Variants in ITPRID1 observed in about 807,000 individuals in gnomAD.
The protein encoded by ITPRID1 is protein ITPRID1.
A neutral mutation model predicts 95.4 loss-of-function variants in ITPRID1; 96 were observed. That is an observed-to-expected ratio of 1.01 (90% CI 0.85 to 1.19). The LOEUF (loss-of-function observed/expected upper bound fraction) is 1.19, where lower values mean the gene tolerates loss of function less well. ITPRID1 is among the 50% of genes most tolerant of loss of function. The pLI is 0.00. For missense variants in ITPRID1, 1,339 were observed against 1,252.9 expected (o/e 1.07, Z -1.04); for synonymous variants, 510 against 453.6 (o/e 1.12, Z -1.58).
chr7:31,527,506 C>G lies in ITPRID1; in HGVS notation c.-98+13386C>G, dbSNP rs539600478. 1.1e-4 allele frequency among the ~76,000 whole-genome samples: 17 copies of G among 152,208 alleles called. No homozygotes were observed. In the South Asian group the frequency reaches 3.1e-3, roughly 28 times the overall value. ...TATTAAAAATGTGGAAAATGCATGA[C>G]ATAGGTTTTCAATCTCACCTTTTGT... On this transcript the variant is annotated intron_variant, in intron 1 of 14. Transcript: ENST00000615280.
chr7:31,588,506 C>A (rs1395344076), intron 10 of ITPRID1, among the ~76,000 whole-genome samples: 1 of 151,490 alleles, frequency 6.6e-6, no homozygotes, highest in African/African-American at 2.4e-5. Context: ...TGGTGGGTGC[C>A]TGTAATTCCA....
In ITPRID1 at chr7:31,643,763, G is replaced by A; in HGVS notation, c.2393G>A (p.Cys798Tyr). ...TCTAGTATCTGCCCAATGGGCACCT[G>A]CCATGCTATACCTGCCCACTGCTGC... Reference protein sequence around the residue: ...GFSSICPMGTCHAIPAHCCIC... With the variant: ...GFSSICPMGTYHAIPAHCCIC... The change falls in exon 12 of 15, where the codon TGC becomes TAC. Residue 798 changes from cysteine to tyrosine, a missense_variant. Coordinates refer to ENST00000615280, the MANE Select transcript of ITPRID1 (RefSeq NM_001257967.3). 6.2e-7 allele frequency: 1 copy of A among 1,614,010 alleles called. No individual in the cohort carries two copies. Among genetic ancestry groups the A allele is most frequent in the Non-Finnish European group, 8.5e-7 (1 of 1,179,884 alleles).
At chr7:31,626,544 C>T (rs1354755211) in intron 10 of ITPRID1, among the ~76,000 whole-genome samples, 1 of 152,150 alleles carries the variant, frequency 6.6e-6, no homozygotes, top group African/African-American at 2.4e-5. Flanking sequence ...ATGGATACAA[C>T]TGTTTAATTT....
intron 10 of ITPRID1, among the ~76,000 whole-genome samples, chr7:31,590,943 A>G (rs1318413378): frequency 6.6e-6 from 1 of 152,226 alleles, no homozygotes; most frequent in Admixed American, 6.5e-5. Flanking sequence ...AGTTTCTCAT[A>G]CAGTTCAAAG....
chr7:31,617,940 G>A (rs1787423512), intron 10 of ITPRID1, among the ~76,000 whole-genome samples: 1 of 152,152 alleles, frequency 6.6e-6, no homozygotes, highest in African/African-American at 2.4e-5. Context: ...TTGTAGTAAA[G>A]AAAATGGTAG....
intron 12 of ITPRID1, among the ~76,000 whole-genome samples, chr7:31,649,751 A>G (rs553708202): frequency 1.3e-5 from 2 of 152,286 alleles, no homozygotes; most frequent in South Asian, 4.1e-4. Context: ...CAGGATGCAA[A>G]ACAAAGGGGA....
intron 10 of ITPRID1, among the ~76,000 whole-genome samples, chr7:31,588,046 T>C (rs1000000470): frequency 6.6e-6 from 1 of 152,190 alleles, no homozygotes. Context: ...GAGAACCATC[T>C]CCAATGAGTA....
chr7:31,578,284 A>G lies in ITPRID1; in HGVS notation c.1020A>G (p.Ser340=). The G allele has an allele frequency of 8.1e-6, 13 of 1,613,902 alleles. No individual in the cohort carries two copies. The highest frequency in any genetic ancestry group is 1.1e-5 in the Non-Finnish European group (13 of 1,179,848). The part of the protein sequence containing the change: ...HGLLSKQWPC[S]SMPAKQAPPS... ...TTCTGAGCAAGCAGTGGCCTTGCTC[A>G]TCTATGCCGGCCAAGCAGGCTCCTC... The change falls in exon 9 of 15, where the codon TCA becomes TCG. Residue 340 remains serine, a synonymous_variant. Transcript: ENST00000615280.
chr7:31,580,401 T>C (rs1785355815), intron 9 of ITPRID1, among the ~76,000 whole-genome samples: 1 of 151,928 alleles, frequency 6.6e-6, no homozygotes, highest in South Asian at 2.1e-4. Flanking sequence ...CGTCAGACTC[T>C]ATTGTCCCTG....
At chr7:31,644,142 C>T (rs1790264226) in intron 12 of ITPRID1, among the ~76,000 whole-genome samples, 189 bp downstream of exon 12, 1 of 152,170 alleles carries the variant, frequency 6.6e-6, no homozygotes, top group Non-Finnish European at 1.5e-5. Context: ...TCGATACTTC[C>T]AATCAATCAC....
chr7:31,559,695 A>G (rs1467095272), intron 5 of ITPRID1, among the ~76,000 whole-genome samples: 1 of 152,094 alleles, frequency 6.6e-6, no homozygotes, highest in Non-Finnish European at 1.5e-5. Context: ...TGTCCATTAT[A>G]CTACATGACT....
intron 1 of ITPRID1, chr7:31,529,387 C>G (rs1267051643): frequency 1.6e-5 from 3 of 185,886 alleles, no homozygotes; most frequent in Non-Finnish European, 3.3e-5. Context: ...TCAGACCTGC[C>G]AACAGGTCAA....
At chr7:31,531,855 G>C (rs1783608124) in intron 1 of ITPRID1, among the ~76,000 whole-genome samples, 1 of 120,544 alleles carries the variant, frequency 8.3e-6, no homozygotes, top group East Asian at 2.2e-4. Flanking sequence ...TATCTTAGCA[G>C]CTGTGGGGTG....
chr7:31,616,785 T>G (rs1321860190), intron 10 of ITPRID1, among the ~76,000 whole-genome samples: 2 of 146,390 alleles, frequency 1.4e-5, no homozygotes, highest in African/African-American at 5.3e-5. Context: ...AAAAGGTTTC[T>G]AAATTTCATT....
Position 31,642,713 on chromosome 7 carries a change from C to A in ITPRID1, c.1343C>A (p.Ala448Asp). 1 of 1,613,948 alleles carries A rather than the reference C, an allele frequency of 6.2e-7. No individual in the cohort carries two copies. Among genetic ancestry groups the A allele is most frequent in the South Asian group, 1.1e-5 (1 of 91,066 alleles). Residue 448 changes from alanine to aspartate, a missense_variant, in exon 12 of 15, where the codon GCT becomes GAT. Physicochemically the swap from Ala to Asp is moderately radical, Grantham distance 126 (BLOSUM62 -2). Transcript: ENST00000615280. ...TCCTTGCCAAACAGCCAGAGTCCTGCTGAGAATGGAGGTAGAAAGCCAAGA... is the reference window on the plus strand; with the variant it reads ...TCCTTGCCAAACAGCCAGAGTCCTGATGAGAATGGAGGTAGAAAGCCAAGA... ...MPSLPNSQSP[A>D]ENGGRKPRDQ...
rs190862808 is a variant in ITPRID1 at position 31,546,159 on chromosome 7, G to C, written c.-97-3267G>C. ...AAGAAATTACATTCCAAAAGAACTT[G>C]AAACTGCATGCCCAATGTCATACAG... On this transcript the variant is annotated intron_variant, in intron 1 of 14. Coordinates refer to ENST00000615280, the MANE Select transcript of ITPRID1 (RefSeq NM_001257967.3). Among the ~76,000 whole-genome samples, 354 of 152,096 alleles carry C rather than the reference G, an allele frequency of 2.3e-3. 1 individual carries two copies. The highest frequency in any genetic ancestry group is 8.0e-3 in the African/African-American group (332 of 41,528).
chr7:31,594,447 G>C lies in ITPRID1; in HGVS notation c.1228+11256G>C, dbSNP rs148830988. 1.5e-3 allele frequency among the ~76,000 whole-genome samples: 228 copies of C among 152,266 alleles called. 2 individuals are homozygous for C. Among genetic ancestry groups the C allele is most frequent in the African/African-American group, 5.1e-3 (212 of 41,544 alleles). ...AGCTTAATAAAAGGAAAACTGATAC[G>C]TTTTAAATTAATTGGCATATTTTAA... On this transcript the variant is annotated intron_variant, in intron 10 of 14. Coordinates refer to ENST00000615280, the MANE Select transcript of ITPRID1 (RefSeq NM_001257967.3).
intron 10 of ITPRID1, among the ~76,000 whole-genome samples, chr7:31,595,345 T>TACACACACACACACACACAC (rs58632355): frequency 0.01 from 1,526 of 147,106 alleles, 6 homozygotes; most frequent in Middle Eastern, 0.017. Flanking sequence ...ATGCCCGGCC[T>TACACACACACACACACACAC]ACACACACAC....
At chr7:31,651,873 T>C in intron 13 of ITPRID1, 66 bp from the exon 14 acceptor site, 1 of 1,111,502 alleles carries the variant, frequency 9.0e-7, no homozygotes, top group Non-Finnish European at 1.3e-6. Flanking sequence ...TATTATGAGG[T>C]GACAATGGAA....
Sources: gnomAD v4.1 joint callset for allele counts (sites outside exome capture counted in the v4.1 genomes callset) on GRCh38, gnomAD v4.1.1 for gene constraint, MANE v1.5 for transcripts, NCBI Gene and HGNC (gene_info 2026-07-23, HGNC 2026-07-21) for gene names.